Variants in MYRIP observed in about 807,000 individuals in gnomAD.
MYRIP encodes myosin VIIA and Rab interacting protein.
Under a neutral mutation model 98.0 loss-of-function variants are expected in MYRIP, and 49 were observed. That is an observed-to-expected ratio of 0.50 (90% confidence interval 0.40 to 0.63). MYRIP has a LOEUF of 0.63. MYRIP is among the 30% of genes least tolerant of loss of function. The pLI, the probability that MYRIP is intolerant of heterozygous loss-of-function variation, is 0.00. For missense variants in MYRIP, 1,004 were observed against 1,058.2 expected (o/e 0.95, Z 0.71); for synonymous variants, 404 against 409.5 (o/e 0.99, Z 0.16).
At chr3:39,995,052 A>G (rs1332535912) in intron 2 of MYRIP, among the ~76,000 whole-genome samples, 1 of 151,928 alleles carries the variant, frequency 6.6e-6, no homozygotes, top group Non-Finnish European at 1.5e-5. Flanking sequence ...CACCATCATC[A>G]AAGACCAAAG....
chr3:40,241,511 A>G (rs938187247), intron 12 of MYRIP, among the ~76,000 whole-genome samples: 9 of 152,212 alleles, frequency 5.9e-5, no homozygotes, highest in African/African-American at 2.2e-4. Flanking sequence ...CTAAGGTCAA[A>G]TAAGTCTGGG....
Position 39,825,727 on chromosome 3 carries a change from T to C in MYRIP, c.-31+15811T>C, listed in dbSNP as rs567901528. 6.6e-5 allele frequency among the ~76,000 whole-genome samples: 10 copies of C among 152,318 alleles called. 1 individual carries two copies. The highest frequency in any genetic ancestry group is 2.4e-4 in the African/African-American group (10 of 41,584). On this transcript the variant is annotated intron_variant, in intron 1 of 16. Transcript: ENST00000302541. ...TTAGAAAGAACTCCTTATGCTTCAA[T>C]TCCTTTGAATAGTTTGAGAATAGTT...
intron 11 of MYRIP, among the ~76,000 whole-genome samples, chr3:40,214,339 G>T (rs1322378414): frequency 6.6e-6 from 1 of 152,150 alleles, no homozygotes; most frequent in African/African-American, 2.4e-5. Flanking sequence ...AGAGGAATGT[G>T]GATATGCCCG....
chr3:39,823,183 C>A (rs1941162248), intron 1 of MYRIP, among the ~76,000 whole-genome samples: 1 of 152,048 alleles, frequency 6.6e-6, no homozygotes, highest in South Asian at 2.1e-4. Flanking sequence ...CCACGCCCAG[C>A]AAATTTTTGT....
At chr3:39,851,830 A>T (rs1222568923) in intron 1 of MYRIP, among the ~76,000 whole-genome samples, 2 of 152,024 alleles carry the variant, frequency 1.3e-5, no homozygotes, top group Non-Finnish European at 2.9e-5. Flanking sequence ...TGCCTATAGG[A>T]TCTGGTGCCT....
intron 2 of MYRIP, among the ~76,000 whole-genome samples, chr3:39,977,397 C>G (rs1299637430): frequency 2.0e-5 from 3 of 152,112 alleles, no homozygotes; most frequent in African/African-American, 7.2e-5. Context: ...CACATGCCCC[C>G]CAGTTGACGA....
intron 8 of MYRIP, among the ~76,000 whole-genome samples, chr3:40,172,179 T>C (rs1257219064): frequency 1.3e-5 from 2 of 152,118 alleles, no homozygotes; most frequent in Non-Finnish European, 2.9e-5. Flanking sequence ...GACTCCACCA[T>C]CTAATGGTGA....
intron 3 of MYRIP, among the ~76,000 whole-genome samples, chr3:40,076,163 T>A (rs1240275703): frequency 6.6e-6 from 1 of 152,216 alleles, no homozygotes; most frequent in Non-Finnish European, 1.5e-5. Flanking sequence ...GTGATTGCAC[T>A]ATTGCTTTCC....
At chr3:40,231,697 C>T (rs1444106346) in intron 11 of MYRIP, among the ~76,000 whole-genome samples, 1 of 152,178 alleles carries the variant, frequency 6.6e-6, no homozygotes, top group Non-Finnish European at 1.5e-5. Context: ...ATACCTTGGA[C>T]CTTTAATGCA....
chr3:40,050,225 AG>A (rs1468411999), intron 3 of MYRIP, among the ~76,000 whole-genome samples: 5 of 152,166 alleles, frequency 3.3e-5, no homozygotes, highest in African/African-American at 1.2e-4. Flanking sequence ...ACTAAAAAGA[AG>A]TCAATACCTG....
intron 3 of MYRIP, among the ~76,000 whole-genome samples, chr3:40,044,961 A>C (rs1204854940): frequency 5.3e-5 from 8 of 152,196 alleles, no homozygotes; most frequent in Non-Finnish European, 1.2e-4. Flanking sequence ...GAGTATTTGG[A>C]AACTGATGAG....
intron 1 of MYRIP, among the ~76,000 whole-genome samples, chr3:39,892,712 A>G (rs148150756): frequency 3.9e-5 from 6 of 152,202 alleles, no homozygotes; most frequent in African/African-American, 1.4e-4. Context: ...TAAAATTAAT[A>G]TAATGATATT....
chr3:40,063,980 A>G (rs1008979196), intron 3 of MYRIP, among the ~76,000 whole-genome samples: 1 of 152,072 alleles, frequency 6.6e-6, no homozygotes, highest in Admixed American at 6.6e-5. Context: ...AGAAGAGTGT[A>G]CAGCAGGTGA....
intron 1 of MYRIP, among the ~76,000 whole-genome samples, chr3:39,890,343 A>C (rs528725852): frequency 6.6e-6 from 1 of 152,012 alleles, no homozygotes; most frequent in Non-Finnish European, 1.5e-5. Context: ...CTACCATGTC[A>C]TATTTTATCA....
chr3:40,007,993 T>C lies in MYRIP; in HGVS notation c.111-36057T>C, dbSNP rs181215816. Among the ~76,000 whole-genome samples, 473 of 152,340 alleles carry C rather than the reference T, an allele frequency of 3.1e-3. 2 individuals are homozygous for C. The highest frequency in any genetic ancestry group is 8.5e-3 in the Admixed American group (130 of 15,304). On this transcript the variant is annotated intron_variant, in intron 2 of 16. Coordinates refer to ENST00000302541, the MANE Select transcript of MYRIP (RefSeq NM_015460.4). ...TTTCTACCCACATATCTGGGTACTG[T>C]GGCCTAGCCAAATTAACATACAAAA...
At chr3:40,231,071 C>T (rs1395802582) in intron 11 of MYRIP, among the ~76,000 whole-genome samples, 8 of 152,270 alleles carry the variant, frequency 5.3e-5, no homozygotes, top group African/African-American at 7.2e-5. Flanking sequence ...ATGATCCACC[C>T]GCCTTGGCCT....
At chr3:40,112,914 A>G (rs1259281447) in intron 3 of MYRIP, among the ~76,000 whole-genome samples, 1 of 152,186 alleles carries the variant, frequency 6.6e-6, no homozygotes, top group African/African-American at 2.4e-5. Context: ...ACCAGAAACT[A>G]TTAAAATCTA....
intron 1 of MYRIP, among the ~76,000 whole-genome samples, chr3:39,878,013 C>T (rs4676528): frequency 0.3 from 44,619 of 149,074 alleles, 5,246 homozygotes; most frequent in Middle Eastern, 0.43. Context: ...TCGAGCTTCC[C>T]GGCTGCTTTG....
intron 11 of MYRIP, among the ~76,000 whole-genome samples, chr3:40,213,486 G>T (rs1365090396): frequency 6.6e-6 from 1 of 152,032 alleles, no homozygotes; most frequent in Non-Finnish European, 1.5e-5. Flanking sequence ...AACTACATTT[G>T]GTGCTCCTTG....
Sources: gnomAD v4.1 joint callset for allele counts (sites outside exome capture counted in the v4.1 genomes callset) on GRCh38, gnomAD v4.1.1 for gene constraint, MANE v1.5 for transcripts, NCBI Gene and HGNC (gene_info 2026-07-23, HGNC 2026-07-21) for gene names.